Variants in ARB2A observed in about 807,000 individuals in gnomAD.
The protein encoded by ARB2A is ARB2 cotranscriptional regulator A.
the ARB2A span, among the ~76,000 whole-genome samples, chr5:94,064,930 C>T: frequency 7.2e-5 from 11 of 151,790 alleles, no homozygotes; most frequent in African/African-American, 2.7e-4. Flanking sequence ...CACACAAATT[C>T]GAAGGGAAAG....
the ARB2A span, among the ~76,000 whole-genome samples, chr5:93,713,404 T>C: frequency 6.6e-6 from 1 of 151,824 alleles, no homozygotes; most frequent in Admixed American, 6.6e-5. Flanking sequence ...AAGATCTGAA[T>C]AGACATTTCA....
chr5:93,693,993 C>T, the ARB2A span, among the ~76,000 whole-genome samples: 4 of 151,882 alleles, frequency 2.6e-5, no homozygotes, highest in South Asian at 4.2e-4. Flanking sequence ...AATTCAACAC[C>T]CCTTCATGCT....
the ARB2A span, among the ~76,000 whole-genome samples, chr5:93,731,784 G>C: frequency 6.6e-6 from 1 of 152,118 alleles, no homozygotes. Flanking sequence ...AAGCAATACA[G>C]TTATTCCTTT....
At chr5:93,857,064 C>T in the ARB2A span, among the ~76,000 whole-genome samples, 1 of 152,176 alleles carries the variant, frequency 6.6e-6, no homozygotes, top group Non-Finnish European at 1.5e-5. Flanking sequence ...CCCTATTTGC[C>T]TGGGTATCAG....
chr5:93,697,024 T>C, the ARB2A span, among the ~76,000 whole-genome samples: 1 of 136,536 alleles, frequency 7.3e-6, no homozygotes, highest in African/African-American at 2.9e-5. Flanking sequence ...ATTGCACCAC[T>C]GCATTCCAGC....
At chr5:93,734,914 GC>G in the ARB2A span, 1 of 151,794 alleles carries the variant, frequency 6.6e-6, no homozygotes, top group Non-Finnish European at 1.5e-5. Context: ...ACACCACCAT[GC>G]CCGGCTAATT....
At chr5:93,921,641 C>G in the ARB2A span, among the ~76,000 whole-genome samples, 1 of 151,950 alleles carries the variant, frequency 6.6e-6, no homozygotes, top group Non-Finnish European at 1.5e-5. Context: ...GAAGTGAGCA[C>G]CAGAATTTAA....
chr5:93,944,440 TA>T, the ARB2A span, among the ~76,000 whole-genome samples: 3 of 151,648 alleles, frequency 2.0e-5, no homozygotes, highest in Non-Finnish European at 2.9e-5. Flanking sequence ...GCCAAAAAAA[TA>T]AATAAATAAA....
the ARB2A span, among the ~76,000 whole-genome samples, chr5:94,029,741 C>T: frequency 6.6e-6 from 1 of 152,180 alleles, no homozygotes; most frequent in African/African-American, 2.4e-5. Flanking sequence ...TGGTACTGTG[C>T]AAATATTCTA....
chr5:94,081,119 C>T, the ARB2A span, among the ~76,000 whole-genome samples: 2 of 152,072 alleles, frequency 1.3e-5, no homozygotes, highest in African/African-American at 2.4e-5. Flanking sequence ...AAATGCAAAT[C>T]AAAACCACAT....
chr5:94,071,789 C>T, the ARB2A span, among the ~76,000 whole-genome samples: 1 of 151,994 alleles, frequency 6.6e-6, no homozygotes, highest in African/African-American at 2.4e-5. Context: ...TACAGCCACT[C>T]TGGAAAATAA....
chr5:93,953,409 T>G, the ARB2A span, among the ~76,000 whole-genome samples: 4 of 152,310 alleles, frequency 2.6e-5, no homozygotes, highest in South Asian at 6.2e-4. Flanking sequence ...GGCTCTGGCA[T>G]ACTGGTAGAG....
chr5:93,682,195 C>G, the ARB2A span, among the ~76,000 whole-genome samples: 1 of 143,970 alleles, frequency 6.9e-6, no homozygotes, highest in East Asian at 2.1e-4. Context: ...GGCAAAACAT[C>G]AAAGTACTAA....
the ARB2A span, among the ~76,000 whole-genome samples, chr5:93,696,355 C>G: frequency 6.6e-6 from 1 of 152,200 alleles, no homozygotes. Context: ...CTAGTTCATG[C>G]TGACAACCCT....
At chr5:93,795,091 G>T in the ARB2A span, among the ~76,000 whole-genome samples, 53 of 152,108 alleles carry the variant, frequency 3.5e-4, no homozygotes, top group Admixed American at 3.4e-3. Context: ...GGATAGGTGT[G>T]TCTGAGCTCA....
At chr5:93,729,569 T>A in the ARB2A span, among the ~76,000 whole-genome samples, 1 of 152,142 alleles carries the variant, frequency 6.6e-6, no homozygotes, top group South Asian at 2.1e-4. Flanking sequence ...ACATAGCCCA[T>A]ATTTCAAATA....
chr5:93,836,643 T>G, the ARB2A span, among the ~76,000 whole-genome samples: 7 of 152,230 alleles, frequency 4.6e-5, no homozygotes, highest in Admixed American at 4.6e-4. Context: ...TTTGGCATAT[T>G]TTAAATGTAT....
the ARB2A span, among the ~76,000 whole-genome samples, chr5:93,887,606 C>A: frequency 1.3e-5 from 2 of 151,730 alleles, no homozygotes; most frequent in Non-Finnish European, 2.9e-5. Flanking sequence ...ATTATCCCCC[C>A]TAATATTGTG....
chr5:93,625,556 C>A, the ARB2A span, among the ~76,000 whole-genome samples: 1 of 152,090 alleles, frequency 6.6e-6, no homozygotes, highest in South Asian at 2.1e-4. Context: ...GGCAGGGGAT[C>A]GTCCAATGAA....
Sources: allele counts gnomAD v4.1 joint callset (sites outside exome capture counted in the v4.1 genomes callset), GRCh38; gene constraint gnomAD v4.1.1; transcripts MANE v1.5; gene names NCBI Gene and HGNC (gene_info 2026-07-23, HGNC 2026-07-21).